The following NKAIN2 variants were observed in gnomAD, a reference collection of about 807,000 sequenced individuals.
NKAIN2 encodes the protein sodium/potassium-transporting ATPase subunit beta-1-interacting protein 2.
In NKAIN2, 14 loss-of-function variants were observed where a neutral mutation model predicts 32.6. That is an observed-to-expected ratio of 0.43 (90% confidence interval 0.28 to 0.67). The LOEUF is 0.67. NKAIN2 is among the 30% of genes least tolerant of loss of function. NKAIN2 has a pLI of 0.17. For synonymous variants in NKAIN2, 80 were observed against 87.2 expected, an observed-to-expected ratio of 0.92 and a Z score of 0.46; for missense variants, 198 against 258.3, an observed-to-expected ratio of 0.77 and a Z score of 1.60.
chr6:124,515,843 G>GTTTTTTTTTTTTT (rs1562232631), intron 3 of NKAIN2, among the ~76,000 whole-genome samples: 1 of 151,336 alleles, frequency 6.6e-6, no homozygotes, highest in African/African-American at 2.4e-5. Flanking sequence ...GGCTGTTCTC[G>GTTTTTTTTTTTTT]TTTTTAATCT....
At position 124,103,651 on chromosome 6, in the gene NKAIN2, T is replaced by C. The variant is rs144799136; in HGVS notation, c.55-179354T>C. Among the ~76,000 whole-genome samples, 1,008 of 152,312 alleles carry C rather than the reference T, an allele frequency of 6.6e-3. 10 individuals are homozygous for C. Among genetic ancestry groups the C allele is most frequent in the African/African-American group, 0.024 (977 of 41,568 alleles). ...AGAATCACAGAAATCATTATACCAC[T>C]TTTTAAGCAAGCATTCACTGACTAG... On this transcript the variant is annotated intron_variant, in intron 1 of 6. Coordinates refer to ENST00000368417, the MANE Select transcript of NKAIN2 (RefSeq NM_001040214.3).
chr6:124,574,927 A>G (rs1781272221), intron 3 of NKAIN2, among the ~76,000 whole-genome samples: 1 of 152,224 alleles, frequency 6.6e-6, no homozygotes, highest in South Asian at 2.1e-4. Context: ...CATTCAGAAT[A>G]TCTCTCAAAG....
chr6:124,660,437 A>G (rs1227672894), intron 4 of NKAIN2, among the ~76,000 whole-genome samples: 1 of 152,242 alleles, frequency 6.6e-6, no homozygotes, highest in African/African-American at 2.4e-5. Flanking sequence ...TGAAGTTGAC[A>G]TACATACCCA....
chr6:123,876,542 G>T (rs1431173143), intron 1 of NKAIN2, among the ~76,000 whole-genome samples: 1 of 152,156 alleles, frequency 6.6e-6, no homozygotes, highest in Non-Finnish European at 1.5e-5. Context: ...GCAAGCTAGA[G>T]ACCCAGGAAA....
intron 4 of NKAIN2, among the ~76,000 whole-genome samples, chr6:124,762,803 G>A (rs73571604): frequency 0.042 from 6,389 of 152,210 alleles, 150 homozygotes; most frequent in Middle Eastern, 0.075. Flanking sequence ...GTTGACTATC[G>A]GAGAGCGTTG....
chr6:124,675,799 TG>T (rs780940465), intron 4 of NKAIN2, among the ~76,000 whole-genome samples: 2 of 152,026 alleles, frequency 1.3e-5, no homozygotes, highest in Admixed American at 6.5e-5. Context: ...TTAGTTTTTT[TG>T]TTTTTTTAAT....
intron 1 of NKAIN2, among the ~76,000 whole-genome samples, chr6:123,916,157 C>T (rs1462209335): frequency 6.6e-6 from 1 of 152,054 alleles, no homozygotes; most frequent in East Asian, 1.9e-4. Context: ...TAATCTAGGG[C>T]ACATGCACTT....
chr6:123,832,595 T>G (rs1774434008), intron 1 of NKAIN2, among the ~76,000 whole-genome samples: 1 of 152,226 alleles, frequency 6.6e-6, no homozygotes, highest in African/African-American at 2.4e-5. Flanking sequence ...CTACAAACAA[T>G]GAATGAGAGT....
At chr6:124,028,833 A>ACATATACGTG in intron 1 of NKAIN2, among the ~76,000 whole-genome samples, 1 of 134,122 alleles carries the variant, frequency 7.5e-6, no homozygotes, top group South Asian at 2.2e-4. Context: ...ATATATATAC[A>ACATATACGTG]TATATATGTA....
intron 4 of NKAIN2, among the ~76,000 whole-genome samples, chr6:124,733,810 TGTGTATATAC>T (rs1209441531): frequency 6.6e-6 from 1 of 151,788 alleles, no homozygotes; most frequent in Non-Finnish European, 1.5e-5. Flanking sequence ...CATGTATATA[TGTGTATATAC>T]ATGCATACAT....
At chr6:124,233,403 C>T (rs909134885) in intron 1 of NKAIN2, among the ~76,000 whole-genome samples, 2 of 152,172 alleles carry the variant, frequency 1.3e-5, no homozygotes, top group African/African-American at 4.8e-5. Flanking sequence ...ACCTGTGTAT[C>T]CAGGTGTCCC....
At chr6:123,865,760 A>G (rs1321925052) in intron 1 of NKAIN2, among the ~76,000 whole-genome samples, 1 of 152,172 alleles carries the variant, frequency 6.6e-6, no homozygotes, top group Non-Finnish European at 1.5e-5. Context: ...TTACACCAAA[A>G]TCAATGGTGG....
intron 1 of NKAIN2, among the ~76,000 whole-genome samples, chr6:123,884,968 G>A (rs1182359370): frequency 6.6e-6 from 1 of 152,080 alleles, no homozygotes; most frequent in Non-Finnish European, 1.5e-5. Context: ...GCCTATTAGA[G>A]TTCTCATTAT....
chr6:124,077,811 G>A (rs1783762184), intron 1 of NKAIN2, among the ~76,000 whole-genome samples: 1 of 151,772 alleles, frequency 6.6e-6, no homozygotes, highest in Admixed American at 6.6e-5. Context: ...TGTTGCCAAA[G>A]CCAGTCTCAA....
At chr6:124,094,502 T>A (rs1330853821) in intron 1 of NKAIN2, among the ~76,000 whole-genome samples, 1 of 152,172 alleles carries the variant, frequency 6.6e-6, no homozygotes, top group Non-Finnish European at 1.5e-5. Context: ...TGTTAGGTGC[T>A]TTTCTTTGTT....
chr6:123,813,855 C>T (rs1242577928), intron 1 of NKAIN2, among the ~76,000 whole-genome samples: 2 of 141,918 alleles, frequency 1.4e-5, no homozygotes, highest in Non-Finnish European at 3.1e-5. Flanking sequence ...AGCTCTGGAC[C>T]TTTTTTTTTT....
chr6:123,826,125 A>G (rs943183278), intron 1 of NKAIN2, among the ~76,000 whole-genome samples: 2 of 152,138 alleles, frequency 1.3e-5, no homozygotes, highest in Non-Finnish European at 2.9e-5. Flanking sequence ...TGCTGACAGA[A>G]GTCCCAGCAA....
intron 4 of NKAIN2, among the ~76,000 whole-genome samples, chr6:124,768,913 A>C (rs2114754180): frequency 6.6e-6 from 1 of 152,290 alleles, no homozygotes; most frequent in Admixed American, 6.5e-5. Flanking sequence ...ACATTTACAA[A>C]GCTGTTTTGG....
chr6:124,373,868 CAG>C (rs1230560245), intron 3 of NKAIN2, among the ~76,000 whole-genome samples: 12 of 151,986 alleles, frequency 7.9e-5, no homozygotes, highest in Non-Finnish European at 1.3e-4. Context: ...AAAATGCAGA[CAG>C]AGAGTAAAGG....
Sources: allele counts gnomAD v4.1 joint callset (sites outside exome capture counted in the v4.1 genomes callset), GRCh38; gene constraint gnomAD v4.1.1; transcripts MANE v1.5; gene names NCBI Gene and HGNC (gene_info 2026-07-23, HGNC 2026-07-21).